Variants in CD2AP observed in about 807,000 individuals in gnomAD.
The protein encoded by CD2AP is CD2 associated protein.
A neutral mutation model predicts 85.1 loss-of-function variants in CD2AP; 46 were observed. The ratio of observed to expected loss-of-function variants is 0.54; its 90% CI spans 0.43 to 0.69. CD2AP has a LOEUF of 0.69. CD2AP is among the 30% of genes least tolerant of loss of function. The pLI is 0.00. For missense variants in CD2AP, 769 were observed against 729.5 expected (o/e 1.05, Z -0.62); for synonymous variants, 255 against 252.9 (o/e 1.01, Z -0.08).
At chr6:47,529,379 C>T (rs7349915) in intron 2 of CD2AP, among the ~76,000 whole-genome samples, 1 of 152,098 alleles carries the variant, frequency 6.6e-6, no homozygotes, top group African/African-American at 2.4e-5. Flanking sequence ...CTCCAGTTTC[C>T]TCCCACATCC....
At chr6:47,499,332 A>G (rs1355452052) in intron 1 of CD2AP, among the ~76,000 whole-genome samples, 1 of 151,498 alleles carries the variant, frequency 6.6e-6, no homozygotes, top group African/African-American at 2.4e-5. Context: ...TGTGTTGAAT[A>G]TATGTGTATC....
intron 2 of CD2AP, among the ~76,000 whole-genome samples, chr6:47,522,088 A>G (rs1176315991): frequency 1.3e-5 from 2 of 151,814 alleles, no homozygotes; most frequent in Non-Finnish European, 1.5e-5. Context: ...TTATTGGTGG[A>G]CTCTGTTCAC....
Position 47,600,331 on chromosome 6 carries a change from C to T in CD2AP, c.1417+888C>T, listed in dbSNP as rs1027842803. The stretch of plus-strand genomic sequence containing the variant: ...AATCTTAATATTCTAATTTTTCTAG[C>T]TTCATTGTTCACATTTCATGTTTAC... On this transcript the variant is annotated intron_variant, in intron 13 of 17. Coordinates refer to ENST00000359314, the MANE Select transcript of CD2AP (RefSeq NM_012120.3). 3.3e-5 allele frequency among the ~76,000 whole-genome samples: 5 copies of T among 151,880 alleles called. No homozygotes were observed. In the South Asian group the frequency reaches 1.0e-3, roughly 31 times the overall value.
intron 5 of CD2AP, among the ~76,000 whole-genome samples, chr6:47,569,761 A>G (rs922755473): frequency 3.3e-5 from 5 of 152,128 alleles, no homozygotes; most frequent in Admixed American, 3.3e-4. Context: ...AAGATAGTAG[A>G]TAGAAATTTG....
chr6:47,540,174 C>CAAAAAAA (rs373888400), intron 3 of CD2AP, among the ~76,000 whole-genome samples: 45 of 54,806 alleles, frequency 8.2e-4, no homozygotes, highest in East Asian at 1.6e-3. Context: ...GGCCCTGTCT[C>CAAAAAAA]AAAAAAAAAA....
chr6:47,606,020 T>C, intron 13 of CD2AP, 145 bp from the exon 14 acceptor site: 1 of 598,804 alleles, frequency 1.7e-6, no homozygotes, highest in Non-Finnish European at 2.9e-6. Context: ...TCCAAATGCA[T>C]ATGAAAAGCA....
intron 17 of CD2AP, among the ~76,000 whole-genome samples, chr6:47,619,335 A>G (rs1769682900): frequency 6.6e-6 from 1 of 152,172 alleles, no homozygotes; most frequent in African/African-American, 2.4e-5. Flanking sequence ...TTGATTTTCC[A>G]TTCCTGAGTT....
chr6:47,532,237 G>A (rs534488999), intron 2 of CD2AP, among the ~76,000 whole-genome samples: 84 of 151,540 alleles, frequency 5.5e-4, no homozygotes, highest in African/African-American at 1.9e-3. Flanking sequence ...CCAGTACTTC[G>A]GGAGGCAGGG....
At chr6:47,515,901 A>G (rs908751884) in intron 2 of CD2AP, among the ~76,000 whole-genome samples, 2 of 152,216 alleles carry the variant, frequency 1.3e-5, no homozygotes, top group Non-Finnish European at 2.9e-5. Flanking sequence ...CACTTGACGT[A>G]AAGGAAATTC....
rs908876433 is a variant in CD2AP at position 47,571,231 on chromosome 6, A to G, written c.542-2833A>G. On this transcript the variant is annotated intron_variant, in intron 5 of 17. Transcript: ENST00000359314. ...AACAGGCTGGTTATTGGAGGTATAT[A>G]TTAAAACTATATAGAATACACTTCT... 2.6e-5 allele frequency among the ~76,000 whole-genome samples: 4 copies of G among 152,230 alleles called. 1 individual carries two copies. The East Asian group carries it at 7.7e-4, about 29-fold the overall frequency.
chr6:47,538,373 C>T (rs956470636), intron 3 of CD2AP, among the ~76,000 whole-genome samples: 2 of 152,068 alleles, frequency 1.3e-5, no homozygotes, highest in African/African-American at 2.4e-5. Flanking sequence ...TCCCAAGTAG[C>T]TGGGATTACA....
At chr6:47,576,183 C>G (rs145810650) in intron 6 of CD2AP, among the ~76,000 whole-genome samples, 6 of 152,284 alleles carry the variant, frequency 3.9e-5, no homozygotes, top group African/African-American at 1.4e-4. Context: ...TCATGCAGTT[C>G]TCCTGCCTTG....
intron 2 of CD2AP, among the ~76,000 whole-genome samples, chr6:47,504,568 TA>T (rs1329466632): frequency 6.6e-6 from 1 of 152,144 alleles, no homozygotes; most frequent in Admixed American, 6.5e-5. Context: ...TAATACCTAG[TA>T]AAGTGTAAAT....
intron 2 of CD2AP, among the ~76,000 whole-genome samples, chr6:47,528,159 T>G (rs1288705998): frequency 1.3e-5 from 2 of 152,156 alleles, no homozygotes; most frequent in Admixed American, 6.6e-5. Context: ...TAATGGCTGT[T>G]TGAGCTTCTA....
intron 16 of CD2AP, chr6:47,609,658 C>T (rs982547782): frequency 5.2e-6 from 1 of 191,078 alleles, no homozygotes; most frequent in Non-Finnish European, 1.1e-5. Flanking sequence ...GTGAACATGC[C>T]AGTGCGCTCC....
chr6:47,481,737 C>CT (rs1765450487), intron 1 of CD2AP, among the ~76,000 whole-genome samples: 1 of 152,066 alleles, frequency 6.6e-6, no homozygotes. Flanking sequence ...CTTTGTTGTA[C>CT]TGTTTGGAGA....
chr6:47,606,078 A>C (rs1769261822), intron 13 of CD2AP, 87 bp from the exon 14 acceptor site: 1 of 734,452 alleles, frequency 1.4e-6, no homozygotes, highest in Non-Finnish European at 2.4e-6. Context: ...TTTTTAATTT[A>C]TAGTTTGTCC....
chr6:47,478,049 C>T lies in CD2AP; in HGVS notation c.-196C>T. The T allele has an allele frequency of 1.4e-6, 1 of 695,930 alleles. No individual in the cohort carries two copies. The highest frequency in any genetic ancestry group is 2.7e-5 in the East Asian group (1 of 36,430). The allele number at this position is 695,930 out of a possible 1,614,324, so 43.1% of individuals were successfully genotyped here. Reference sequence around the variant, plus strand: ...GAGCTGTCGCCGCCTTTGCCTCTGCCTCGAGGGCCGCGCTGAAGAGACTGG... The same window carrying T: ...GAGCTGTCGCCGCCTTTGCCTCTGCTTCGAGGGCCGCGCTGAAGAGACTGG... On this transcript the variant is annotated 5_prime_UTR_variant, in exon 1 of 18. Coordinates refer to ENST00000359314, the MANE Select transcript of CD2AP (RefSeq NM_012120.3).
At chr6:47,548,131 G>A (rs759604029) in intron 4 of CD2AP, among the ~76,000 whole-genome samples, 29 of 151,870 alleles carry the variant, frequency 1.9e-4, no homozygotes, top group Non-Finnish European at 3.5e-4. Context: ...CCATTTAAGG[G>A]CACCTCAAGA....
Sources: gnomAD v4.1 joint callset for allele counts (sites outside exome capture counted in the v4.1 genomes callset) on GRCh38, gnomAD v4.1.1 for gene constraint, MANE v1.5 for transcripts, NCBI Gene and HGNC (gene_info 2026-07-23, HGNC 2026-07-21) for gene names.